LIPC: variants seen among roughly 807,000 people sequenced by gnomAD.
The protein encoded by LIPC is lipase C, hepatic type.
A neutral mutation model predicts 50.7 loss-of-function variants in LIPC; 44 were observed. The observed-to-expected ratio is 0.87, with a 90% CI of 0.68 to 1.11. The LOEUF is 1.11. LIPC is among the 50% of genes most tolerant of loss of function. LIPC has a pLI of 0.00. For synonymous variants in LIPC, 271 were observed against 256.4 expected, an observed-to-expected ratio of 1.06 and a Z score of -0.54; for missense variants, 697 against 648.2, an observed-to-expected ratio of 1.08 and a Z score of -0.82.
intron 1 of LIPC, among the ~76,000 whole-genome samples, chr15:58,519,738 T>TCA (rs1381440531): frequency 8.5e-5 from 13 of 152,208 alleles, no homozygotes; most frequent in South Asian, 8.3e-4. Flanking sequence ...TGGGGTGGTG[T>TCA]ATTGTGTCTC....
At chr15:58,480,965 C>G (rs1415374427) in intron 1 of LIPC, among the ~76,000 whole-genome samples, 1 of 152,134 alleles carries the variant, frequency 6.6e-6, no homozygotes, top group Non-Finnish European at 1.5e-5. Flanking sequence ...TAAACAGCCC[C>G]TAGTCAAGAG....
chr15:58,555,896 T>C (rs2140941998), intron 6 of LIPC, among the ~76,000 whole-genome samples: 1 of 152,284 alleles, frequency 6.6e-6, no homozygotes, highest in East Asian at 1.9e-4. Flanking sequence ...CTCTCTCTTC[T>C]CCGCCCTGAT....
intron 1 of LIPC, among the ~76,000 whole-genome samples, chr15:58,518,157 G>C (rs1301044144): frequency 4.6e-5 from 7 of 152,154 alleles, no homozygotes; most frequent in Non-Finnish European, 1.0e-4. Context: ...CAGTATCCCT[G>C]GCCTCTACCC....
chr15:58,485,322 C>T (rs978825387), intron 1 of LIPC, among the ~76,000 whole-genome samples: 9 of 152,104 alleles, frequency 5.9e-5, no homozygotes, highest in African/African-American at 9.7e-5. Flanking sequence ...TGCATGTTTG[C>T]TTATGATGGG....
chr15:58,457,314 T>C (rs1447193433), intron 1 of LIPC, among the ~76,000 whole-genome samples: 2 of 152,206 alleles, frequency 1.3e-5, no homozygotes, highest in Non-Finnish European at 2.9e-5. Flanking sequence ...TTCTCCACTT[T>C]GGTCATGCTG....
rs777496353 is a variant in LIPC at position 58,548,479 on chromosome 15, C to G, written c.958C>G (p.Arg320Gly). The change falls in exon 6 of 9, where the codon CGC becomes GGC. Residue 320 changes from arginine (R) to glycine (G), a missense_variant. Arg to Gly is a moderately radical substitution (Grantham distance 125). Transcript: ENST00000299022. ...QGLCLSCKKGRCNTLGYHVRQ... is the reference protein window; with the variant it reads ...QGLCLSCKKGGCNTLGYHVRQ... ...CCTGTGCCTGAGCTGCAAGAAGGGC[C>G]GCTGCAACACGCTGGGCTACCACGT... is the stretch of plus-strand genomic sequence containing the variant. 1.1e-5 allele frequency: 18 copies of G among 1,610,822 alleles called. No homozygotes were observed. Among genetic ancestry groups the G allele is most frequent in the East Asian group, 8.9e-5 (4 of 44,860 alleles).
chr15:58,566,447 C>A (rs776032458), intron 8 of LIPC: 10 of 984,844 alleles, frequency 1.0e-5, no homozygotes, highest in Non-Finnish European at 7.2e-6. Context: ...AAACGAGAAT[C>A]ATAATATACA....
chr15:58,493,224 C>G (rs977772816), intron 1 of LIPC, among the ~76,000 whole-genome samples: 3 of 152,118 alleles, frequency 2.0e-5, no homozygotes, highest in African/African-American at 7.2e-5. Flanking sequence ...ACTAGCAAGG[C>G]GAGGAGGTTC....
chr15:58,499,043 C>T lies in LIPC; in HGVS notation c.89-39290C>T, dbSNP rs545650986. Among the ~76,000 whole-genome samples the T allele has an allele frequency of 6.6e-5, 10 of 152,296 alleles. No individual in the cohort carries two copies. The South Asian group carries it at 1.9e-3, about 28-fold the overall frequency. ...TGAGCATGGAAAAGCACGTGTCAGG[C>T]AGAGCAGGATTACTCGGCACAAGAG... On this transcript the variant is annotated intron_variant, in intron 1 of 8. Coordinates refer to ENST00000299022, the MANE Select transcript of LIPC (RefSeq NM_000236.3).
intron 1 of LIPC, among the ~76,000 whole-genome samples, chr15:58,503,729 C>A (rs1372091579): frequency 5.3e-5 from 8 of 152,212 alleles, no homozygotes; most frequent in Admixed American, 3.9e-4. Context: ...CCTAAGTAGG[C>A]CCTGCACCTG....
intron 6 of LIPC, among the ~76,000 whole-genome samples, chr15:58,560,108 G>A (rs183248238): frequency 2.0e-5 from 3 of 152,280 alleles, no homozygotes; most frequent in East Asian, 1.9e-4. Context: ...ATCATTTAAC[G>A]ATGCCATGTA....
chr15:58,490,982 T>G (rs369538645), intron 1 of LIPC, among the ~76,000 whole-genome samples: 2 of 152,158 alleles, frequency 1.3e-5, no homozygotes, highest in African/African-American at 4.8e-5. Context: ...CAGGAAGGAA[T>G]GGAGTTCACA....
chr15:58,565,905 G>A (rs1301286331), intron 8 of LIPC: 43 of 917,326 alleles, frequency 4.7e-5, no homozygotes, highest in Middle Eastern at 5.6e-4. Context: ...AGGTACTATC[G>A]GAGAATACAA....
chr15:58,442,898 A>G (rs1483662238), intron 1 of LIPC, among the ~76,000 whole-genome samples: 3 of 151,946 alleles, frequency 2.0e-5, no homozygotes, highest in African/African-American at 4.8e-5. Flanking sequence ...GCCTTCAGAG[A>G]TATCTCATTT....
At position 58,545,833 on chromosome 15, in the gene LIPC, C is replaced by T; in HGVS notation, c.666C>T (p.Thr222=). Residue 222 remains threonine (T), a synonymous_variant, in exon 5 of 9, where the codon ACC becomes ACT. Coordinates refer to ENST00000299022, the MANE Select transcript of LIPC (RefSeq NM_000236.3). ...CCAATTTTGTGGATGCCATTCATAC[C>T]TTTACCCGGGAGCACATGGGCCTGA... ...DDANFVDAIH[T]FTREHMGLSV... The T allele has an allele frequency of 6.2e-7, 1 of 1,614,178 alleles. No individual in the cohort carries two copies. The highest frequency in any genetic ancestry group is 8.5e-7 in the Non-Finnish European group (1 of 1,180,034).
chr15:58,567,306 CATATATATGTATATGTGTATAT>C (rs1216129448), intron 8 of LIPC, among the ~76,000 whole-genome samples: 77 of 107,368 alleles, frequency 7.2e-4, no homozygotes, highest in African/African-American at 1.2e-3. Flanking sequence ...TATATATATA[CATATATATGTATATGTGTATAT>C]ATATATATAT....
intron 1 of LIPC, among the ~76,000 whole-genome samples, chr15:58,465,656 G>C (rs753902119): frequency 3.9e-5 from 6 of 152,126 alleles, no homozygotes; most frequent in Non-Finnish European, 7.4e-5. Flanking sequence ...GTAAGTACTT[G>C]GGTTAGGCAT....
rs760175000 is a variant in LIPC, at chr15:58,568,838, A to G, written c.*11A>G. On this transcript the variant is annotated 3_prime_UTR_variant, in exon 9 of 9. Transcript: ENST00000299022. ...CGAAAGATCAGATGAGATTTAATGAAGACCCAGTGTAAAGAATAAATGAAT... is the reference window on the plus strand; with the variant it reads ...CGAAAGATCAGATGAGATTTAATGAGGACCCAGTGTAAAGAATAAATGAAT... 6.8e-7 allele frequency: 1 copy of G among 1,477,620 alleles called. No homozygotes were observed. Among genetic ancestry groups the G allele is most frequent in the African/African-American group, 1.4e-5 (1 of 71,834 alleles). The allele number at this position is 1,477,620 out of a possible 1,614,324, so 91.5% of individuals were successfully genotyped here. A position where few individuals can be genotyped will look rare whatever the true frequency, so the allele number is the denominator to read the frequency against.
At chr15:58,440,131 T>C (rs1413927389) in intron 1 of LIPC, among the ~76,000 whole-genome samples, 1 of 152,170 alleles carries the variant, frequency 6.6e-6, no homozygotes, top group Non-Finnish European at 1.5e-5. Context: ...ATCTACATGC[T>C]AAAAAGAAAG....
Sources: gnomAD v4.1 joint callset for allele counts (sites outside exome capture counted in the v4.1 genomes callset) on GRCh38, gnomAD v4.1.1 for gene constraint, MANE v1.5 for transcripts, NCBI Gene and HGNC (gene_info 2026-07-23, HGNC 2026-07-21) for gene names.